Variants in ELMO1 observed in about 807,000 individuals in gnomAD.
The protein encoded by ELMO1 is engulfment and cell motility protein 1.
ELMO1 carries 26 observed loss-of-function variants against 98.9 expected under a neutral mutation model. That is an observed-to-expected ratio of 0.26 (90% confidence interval 0.19 to 0.36). The LOEUF (loss-of-function observed/expected upper bound fraction) is 0.36. ELMO1 is among the 10% of genes least tolerant of loss of function. The probability of loss-of-function intolerance (pLI) is 1.00; values close to 1 mark genes in which losing one functional copy is unlikely to be tolerated. For synonymous variants in ELMO1, 346 were observed against 346.0 expected, an observed-to-expected ratio of 1.00 and a Z score of 0.00; for missense variants, 627 against 935.2, an observed-to-expected ratio of 0.67 and a Z score of 4.30.
intron 1 of ELMO1, among the ~76,000 whole-genome samples, chr7:37,442,742 C>A (rs1805460017): frequency 6.6e-6 from 1 of 152,158 alleles, no homozygotes; most frequent in Admixed American, 6.5e-5. Context: ...TCCCTGGATA[C>A]CATGGCAACC....
intron 1 of ELMO1, among the ~76,000 whole-genome samples, chr7:37,437,539 T>A (rs921735916): frequency 3.9e-5 from 6 of 152,224 alleles, no homozygotes. Flanking sequence ...TTCATATTTA[T>A]GAGGTACAAT....
At chr7:36,864,298 C>G (rs1477552103) in intron 20 of ELMO1, among the ~76,000 whole-genome samples, 1 of 152,170 alleles carries the variant, frequency 6.6e-6, no homozygotes, top group Non-Finnish European at 1.5e-5. Flanking sequence ...AGCAGGCAAA[C>G]TTTCAGCTTT....
intron 14 of ELMO1, among the ~76,000 whole-genome samples, chr7:37,124,817 C>T (rs1007652652): frequency 4.6e-5 from 7 of 152,132 alleles, no homozygotes; most frequent in Admixed American, 2.0e-4. Flanking sequence ...AAAAAGAGCC[C>T]ACATTGCCAA....
chr7:37,154,779 C>G (rs1788618593), intron 13 of ELMO1, among the ~76,000 whole-genome samples: 1 of 152,118 alleles, frequency 6.6e-6, no homozygotes, highest in African/African-American at 2.4e-5. Context: ...TCTAGCAAGG[C>G]AGGCCAACAT....
intron 16 of ELMO1, among the ~76,000 whole-genome samples, chr7:36,952,103 C>T (rs1788011527): frequency 6.6e-6 from 1 of 152,196 alleles, no homozygotes. Flanking sequence ...TGAACAGGTG[C>T]ATCCCACGCA....
intron 13 of ELMO1, among the ~76,000 whole-genome samples, chr7:37,205,497 C>T (rs79525995): frequency 0.037 from 5,558 of 152,184 alleles, 351 homozygotes; most frequent in African/African-American, 0.13. Flanking sequence ...ATTTTTTCTG[C>T]GTGGCATGTC....
At chr7:36,919,390 C>T (rs180826747) in intron 16 of ELMO1, 4 of 532,612 alleles carry the variant, frequency 7.5e-6, no homozygotes, top group Middle Eastern at 6.4e-4. Flanking sequence ...ACCAATCTCT[C>T]TGGCAAGTGA....
At chr7:37,333,566 T>C (rs140561647) in intron 2 of ELMO1, among the ~76,000 whole-genome samples, 2 of 152,228 alleles carry the variant, frequency 1.3e-5, no homozygotes, top group East Asian at 1.9e-4. Context: ...GGGAGAGATA[T>C]GTTTGCTGTG....
intron 15 of ELMO1, among the ~76,000 whole-genome samples, chr7:37,045,214 G>T (rs923035267): frequency 2.0e-5 from 3 of 152,128 alleles, no homozygotes; most frequent in African/African-American, 7.2e-5. Context: ...AAAAACTAAG[G>T]ATATCTGAAT....
chr7:37,422,254 A>T (rs1214197230), intron 1 of ELMO1, among the ~76,000 whole-genome samples: 1 of 152,272 alleles, frequency 6.6e-6, no homozygotes, highest in Non-Finnish European at 1.5e-5. Flanking sequence ...AGCATCGAGG[A>T]ATAAATTCAA....
chr7:37,188,881 G>A (rs1163079487), intron 13 of ELMO1, among the ~76,000 whole-genome samples: 5 of 151,864 alleles, frequency 3.3e-5, no homozygotes, highest in African/African-American at 9.7e-5. Flanking sequence ...AGAATATGCA[G>A]TAAAGACAAG....
At chr7:37,149,454 A>T (rs1479283047) in intron 13 of ELMO1, among the ~76,000 whole-genome samples, 1 of 152,198 alleles carries the variant, frequency 6.6e-6, no homozygotes, top group Non-Finnish European at 1.5e-5. Context: ...GAGAGTCTAA[A>T]ATGTTTTTTC....
chr7:36,906,933 C>T (rs192558919), intron 16 of ELMO1, among the ~76,000 whole-genome samples: 31 of 152,284 alleles, frequency 2.0e-4, no homozygotes, highest in Non-Finnish European at 3.8e-4. Flanking sequence ...TCCATTCTTA[C>T]CCTATTGCTT....
Position 37,259,295 on chromosome 7 carries a change from T to A in ELMO1, c.299A>T (p.Lys100Met). The A allele has an allele frequency of 6.2e-7, 1 of 1,614,180 alleles. No homozygotes were observed. Among genetic ancestry groups the A allele is most frequent in the Non-Finnish European group, 8.5e-7 (1 of 1,180,016 alleles). ...GGCCAAGTCCTTCAGGGCTTCCAGC[T>A]TGGCATCCATACTCGAGGACTGGAT... ...ERIQSSSMDA[K>M]LEALKDLASL... is the part of the protein sequence containing the mutation. The change falls in exon 6 of 22, where the codon AAG becomes ATG. Residue 100 changes from lysine (K) to methionine (M), a missense_variant. Transcript: ENST00000310758.
intron 15 of ELMO1, among the ~76,000 whole-genome samples, chr7:37,070,955 T>C (rs1211795060): frequency 6.6e-6 from 1 of 152,154 alleles, no homozygotes; most frequent in Non-Finnish European, 1.5e-5. Flanking sequence ...CTAGATTTAC[T>C]TTCACCACAT....
At chr7:37,305,805 T>C (rs1798584618) in intron 4 of ELMO1, among the ~76,000 whole-genome samples, 1 of 152,196 alleles carries the variant, frequency 6.6e-6, no homozygotes, top group Non-Finnish European at 1.5e-5. Context: ...GATTGTAAAG[T>C]ACTTGGAACC....
intron 14 of ELMO1, among the ~76,000 whole-genome samples, chr7:37,128,588 T>A (rs369262780): frequency 1.8e-3 from 279 of 152,290 alleles, no homozygotes; most frequent in African/African-American, 6.3e-3. Flanking sequence ...CAGTACACAG[T>A]TACAAAACTT....
At chr7:37,189,173 T>C (rs1259410767) in intron 13 of ELMO1, among the ~76,000 whole-genome samples, 1 of 152,222 alleles carries the variant, frequency 6.6e-6, no homozygotes, top group Non-Finnish European at 1.5e-5. Flanking sequence ...ATCATGATGT[T>C]TGAATGTTTA....
At chr7:37,448,446 T>C (rs1405191934) in intron 1 of ELMO1, among the ~76,000 whole-genome samples, 4 of 150,866 alleles carry the variant, frequency 2.7e-5, no homozygotes, top group Admixed American at 2.0e-4. Flanking sequence ...AGCTCAGACT[T>C]CCCCAACTGC....
Sources: allele counts gnomAD v4.1 joint callset (sites outside exome capture counted in the v4.1 genomes callset), GRCh38; gene constraint gnomAD v4.1.1; transcripts MANE v1.5; gene names NCBI Gene and HGNC (gene_info 2026-07-23, HGNC 2026-07-21).